The following ABCA1 variants were observed in gnomAD, a reference collection of about 807,000 sequenced individuals.
ABCA1 encodes the protein ATP binding cassette subfamily A member 1, also known as phospholipid-transporting ATPase ABCA1.
Under a neutral mutation model 262.5 loss-of-function variants are expected in ABCA1, and 133 were observed. That is an observed-to-expected ratio of 0.51 (90% CI 0.44 to 0.59). ABCA1 has a LOEUF of 0.59. ABCA1 is among the 20% of genes least tolerant of loss of function. The pLI is 0.00. For missense variants in ABCA1, 2,452 were observed against 2,777.5 expected, an observed-to-expected ratio of 0.88 and a Z score of 2.63; for synonymous variants, 1,022 against 1,043.5, an observed-to-expected ratio of 0.98 and a Z score of 0.40.
chr9:104,902,253 G>A (rs1002011725), intron 2 of ABCA1, among the ~76,000 whole-genome samples: 1 of 152,140 alleles, frequency 6.6e-6, no homozygotes, highest in African/African-American at 2.4e-5. Context: ...GCCAAGTTCT[G>A]GCACAAGATT....
intron 16 of ABCA1, 63 bp from the exon 17 acceptor site, chr9:104,825,950 T>C: frequency 1.3e-6 from 2 of 1,548,160 alleles, no homozygotes; most frequent in Non-Finnish European, 1.8e-6. Flanking sequence ...CTATCTCTTC[T>C]AGTGTAAATT....
At chr9:104,899,017 A>G (rs1376539296) in intron 2 of ABCA1, among the ~76,000 whole-genome samples, 1 of 152,232 alleles carries the variant, frequency 6.6e-6, no homozygotes, top group African/African-American at 2.4e-5. Flanking sequence ...CTACGAAAGC[A>G]GTACTCATGC....
At chr9:104,914,020 C>T (rs1040261211) in intron 1 of ABCA1, among the ~76,000 whole-genome samples, 1 of 151,568 alleles carries the variant, frequency 6.6e-6, no homozygotes. Context: ...AGGATGGTCT[C>T]GATCTCCTGA....
intron 1 of ABCA1, among the ~76,000 whole-genome samples, chr9:104,914,803 C>G (rs1841739859): frequency 6.6e-6 from 1 of 152,156 alleles, no homozygotes; most frequent in African/African-American, 2.4e-5. Flanking sequence ...GTTTGTGTGA[C>G]AAAATTTCCA....
chr9:104,817,504 A>C lies in ABCA1; in HGVS notation c.3463-100T>G. The C allele has an allele frequency of 1.5e-6, 2 of 1,308,298 alleles. No homozygotes were observed. The highest frequency in any genetic ancestry group is 2.2e-6 in the Non-Finnish European group (2 of 916,596). 81.0% of individuals were successfully genotyped at this position (1,308,298 alleles called of 1,614,324 possible). On this transcript the variant is annotated intron_variant, in intron 23 of 49. Coordinates refer to ENST00000374736, the MANE Select transcript of ABCA1 (RefSeq NM_005502.4). This position sits in a 1 kb window ranked among gnomAD's most constrained non-coding sequence, Gnocchi z 4.7. ...GGCTTCCAAGAAGCTCTGTTGTGTGAGAACTAAAGGAAAAAGCTTTCCCTG... is the reference window on the plus strand; with the variant it reads ...GGCTTCCAAGAAGCTCTGTTGTGTGCGAACTAAAGGAAAAAGCTTTCCCTG...
At chr9:104,787,850 T>A in intron 46 of ABCA1, 70 bp downstream of exon 46, 1 of 1,613,712 alleles carries the variant, frequency 6.2e-7, no homozygotes, top group Non-Finnish European at 8.5e-7. Context: ...CCTGGACATA[T>A]AGGACTTTTG....
At chr9:104,787,832 A>G (rs1422030604) in intron 46 of ABCA1, 88 bp downstream of exon 46, 22 of 1,613,094 alleles carry the variant, frequency 1.4e-5, no homozygotes, top group Non-Finnish European at 1.8e-5. Context: ...AGCCAATCAT[A>G]CAACAGCCCT....
At chr9:104,899,107 A>G (rs1840452897) in intron 2 of ABCA1, among the ~76,000 whole-genome samples, 2 of 152,248 alleles carry the variant, frequency 1.3e-5, no homozygotes, top group South Asian at 2.1e-4. Flanking sequence ...CAAATGAAAC[A>G]ATAAATGTCT....
intron 3 of ABCA1, among the ~76,000 whole-genome samples, chr9:104,885,057 GA>G (rs1179340139): frequency 1.3e-5 from 2 of 152,030 alleles, no homozygotes; most frequent in African/African-American, 2.4e-5. Flanking sequence ...CCAACATGGC[GA>G]AACCCTGTCT....
chr9:104,788,267 A>G (rs1328682630), intron 45 of ABCA1, among the ~76,000 whole-genome samples, 159 bp downstream of exon 45: 1 of 151,074 alleles, frequency 6.6e-6, no homozygotes, highest in Non-Finnish European at 1.5e-5. Context: ...CACCACCGTT[A>G]CAGGTTTCCA....
chr9:104,884,314 T>C (rs542316179), intron 4 of ABCA1, 113 bp downstream of exon 4: 2 of 1,412,810 alleles, frequency 1.4e-6, no homozygotes, highest in East Asian at 2.4e-5. Flanking sequence ...CACACAAGCA[T>C]TTACAAAAAC....
In ABCA1 at chr9:104,859,275, C is replaced by G. The variant is rs1588427576; in HGVS notation, c.544-577G>C. 3.9e-5 allele frequency among the ~76,000 whole-genome samples: 6 copies of G among 152,344 alleles called. No individual in the cohort carries two copies. In the South Asian group the frequency reaches 1.2e-3, roughly 32 times the overall value. On this transcript the variant is annotated intron_variant, in intron 6 of 49. Transcript: ENST00000374736. ...CTCTTATCTCATTGATAGGCCAATT[C>G]TAAATCATTCTTATCTTTTCTTTAT... is the stretch of plus-strand genomic sequence containing the variant.
In ABCA1 at chr9:104,814,168, G is replaced by A. The variant is rs763149283; in HGVS notation, c.3851C>T (p.Pro1284Leu). 40 of 1,614,072 alleles carry A rather than the reference G, an allele frequency of 2.5e-5. No individual in the cohort carries two copies. The highest frequency in any genetic ancestry group is 4.0e-5 in the African/African-American group (3 of 74,930). The stretch of plus-strand genomic sequence containing the variant: ...ATCAGCAGCATCATCTTCAGTGAAC[G>A]GGCGAAGACAGCTCTGCTTGTCCCC... ...AFGDKQSCLR[P>L]FTEDDAADPN... is the part of the protein sequence containing the mutation. The change falls in exon 27 of 50, where the codon CCG (proline) becomes CTG (leucine). Residue 1284 changes from proline to leucine, a missense_variant. Coordinates refer to ENST00000374736, the MANE Select transcript of ABCA1 (RefSeq NM_005502.4).
intron 3 of ABCA1, among the ~76,000 whole-genome samples, chr9:104,886,292 G>T (rs564268876): frequency 6.6e-6 from 1 of 152,234 alleles, no homozygotes; most frequent in South Asian, 2.1e-4. Context: ...TTAATCCAAA[G>T]TCAGGACTTG....
At chr9:104,855,968 A>G (rs1835800692) in intron 7 of ABCA1, 1 of 1,612,900 alleles carries the variant, frequency 6.2e-7, no homozygotes, top group Non-Finnish European at 8.5e-7. Flanking sequence ...ACAGAAGCAC[A>G]TATTGAAAGA....
intron 2 of ABCA1, among the ~76,000 whole-genome samples, 157 bp downstream of exon 2, chr9:104,903,457 C>T (rs1430464590): frequency 2.6e-5 from 4 of 152,150 alleles, no homozygotes; most frequent in East Asian, 1.9e-4. Context: ...ATGCCATATC[C>T]GGACCACACA....
In ABCA1 at chr9:104,829,180, A is replaced by C; in HGVS notation, c.1893-42T>G. The C allele has an allele frequency of 3.1e-6, 5 of 1,606,266 alleles. 1 individual carries two copies. The highest frequency in any genetic ancestry group is 4.3e-6 in the Non-Finnish European group (5 of 1,175,184). On this transcript the variant is annotated intron_variant, in intron 14 of 49. Coordinates refer to ENST00000374736, the MANE Select transcript of ABCA1 (RefSeq NM_005502.4). ...AGGACAAGGGGAGAAAGAAAGACAC[A>C]CGTGAGCCAGGGTGATGGGCCAAGG...
intron 5 of ABCA1, among the ~76,000 whole-genome samples, chr9:104,872,315 CACT>C (rs1837690014): frequency 6.6e-6 from 1 of 152,146 alleles, no homozygotes; most frequent in African/African-American, 2.4e-5. Flanking sequence ...TGGTTCTTTC[CACT>C]ATATCAGCAA....
chr9:104,813,677 C>A (rs529030473), intron 27 of ABCA1, among the ~76,000 whole-genome samples: 3 of 152,280 alleles, frequency 2.0e-5, no homozygotes, highest in South Asian at 4.1e-4. Context: ...CCTCTCAAAG[C>A]GCTGGGATTA....
Sources: allele counts gnomAD v4.1 joint callset (sites outside exome capture counted in the v4.1 genomes callset), GRCh38; gene constraint gnomAD v4.1.1; non-coding constraint Gnocchi (gnomAD v3.1); transcripts MANE v1.5; gene names NCBI Gene and HGNC (gene_info 2026-07-23, HGNC 2026-07-21).